HACD3: variants seen among roughly 807,000 people sequenced by gnomAD.
The protein encoded by HACD3 is very-long-chain (3R)-3-hydroxyacyl-CoA dehydratase 3.
Under a neutral mutation model 55.2 loss-of-function variants are expected in HACD3, and 30 were observed. That is an observed-to-expected ratio of 0.54 (90% CI 0.41 to 0.74). HACD3 has a LOEUF of 0.74. Ranked by LOEUF, HACD3 falls within the 30% of genes least tolerant of loss-of-function variation. The pLI is 0.00. For missense variants in HACD3, 363 were observed against 440.1 expected (o/e 0.82, Z 1.57); for synonymous variants, 141 against 151.7 (o/e 0.93, Z 0.52).
intron 1 of HACD3, among the ~76,000 whole-genome samples, chr15:65,551,333 CAG>C (rs1596210217): frequency 6.6e-6 from 1 of 152,218 alleles, no homozygotes; most frequent in African/African-American, 2.4e-5. Context: ...TTCTACAGCT[CAG>C]GGGTTGAGTC....
intron 1 of HACD3, among the ~76,000 whole-genome samples, chr15:65,535,066 G>A (rs951389023): frequency 6.6e-5 from 10 of 152,252 alleles, no homozygotes; most frequent in African/African-American, 2.4e-4. Flanking sequence ...AATCCAAATG[G>A]CAAAAAGAAA....
rs1406625452 is a variant in HACD3 at position 65,530,556 on chromosome 15, C to T, written c.-76C>T. On this transcript the variant is annotated 5_prime_UTR_variant, in exon 1 of 11. Transcript: ENST00000261875. ...GCTAGGGTTTGAGGCCTGCTTTCTG[C>T]TCGCGCCAGCAGAGCACTACCTGAG... The T allele has an allele frequency of 5.3e-5, 73 of 1,365,630 alleles. No homozygotes were observed. In the South Asian group the frequency reaches 9.1e-4, roughly 17 times the overall value. The allele number at this position is 1,365,630 out of a possible 1,614,324, so 84.6% of individuals were successfully genotyped here.
At chr15:65,573,373 T>G (rs937318238) in intron 10 of HACD3, among the ~76,000 whole-genome samples, 4 of 152,112 alleles carry the variant, frequency 2.6e-5, no homozygotes, top group Admixed American at 6.6e-5. Context: ...TTTGGGAGGC[T>G]GAGGTGGGTA....
chr15:65,549,091 G>A (rs1247793183), intron 1 of HACD3, among the ~76,000 whole-genome samples: 1 of 152,150 alleles, frequency 6.6e-6, no homozygotes. Flanking sequence ...GCTAGGTTGT[G>A]TAGATTGAGC....
At chr15:65,542,026 C>G (rs1051994450) in intron 1 of HACD3, among the ~76,000 whole-genome samples, 1 of 151,872 alleles carries the variant, frequency 6.6e-6, no homozygotes, top group African/African-American at 2.4e-5. Context: ...GTCAATAGAT[C>G]GAGACCATCC....
chr15:65,557,533 G>T (rs1190675002), intron 4 of HACD3, among the ~76,000 whole-genome samples: 1 of 151,952 alleles, frequency 6.6e-6, no homozygotes, highest in East Asian at 1.9e-4. Flanking sequence ...TTAACCATGG[G>T]TTAGCTGGCT....
chr15:65,556,256 C>A (rs146540827), intron 3 of HACD3, among the ~76,000 whole-genome samples: 2,845 of 152,188 alleles, frequency 0.019, 36 homozygotes, highest in Middle Eastern at 0.044. Flanking sequence ...TCAGTGAGAG[C>A]CCTGAGCTTG....
At chr15:65,552,402 T>A (rs2072142615) in intron 2 of HACD3, among the ~76,000 whole-genome samples, 1 of 152,156 alleles carries the variant, frequency 6.6e-6, no homozygotes, top group Non-Finnish European at 1.5e-5. Context: ...GTGGCATGAT[T>A]TCGGCTCACT....
intron 5 of HACD3, 114 bp downstream of exon 5, chr15:65,558,845 G>T (rs2072219123): frequency 6.1e-6 from 8 of 1,308,146 alleles, no homozygotes; most frequent in Non-Finnish European, 8.6e-6. Context: ...AGCTGTGTGG[G>T]TGAGTTTATG....
chr15:65,531,604 C>CTAA (rs2071900840), intron 1 of HACD3, among the ~76,000 whole-genome samples: 1 of 151,592 alleles, frequency 6.6e-6, no homozygotes, highest in African/African-American at 2.4e-5. Flanking sequence ...TCGCTCTTGT[C>CTAA]GCCCAGGCTG....
In HACD3 at chr15:65,570,087, A is replaced by T; in HGVS notation, c.661-4A>T. On this transcript the variant is annotated splice_polypyrimidine_tract_variant and splice_region_variant and intron_variant, in intron 7 of 10. Coordinates refer to ENST00000261875, the MANE Select transcript of HACD3 (RefSeq NM_016395.4). ...TTTTTCTCTCTTTTGGGTCTTTCTA[A>T]TAGCTTCTTGGAAGAAATTTTATTT... The T allele has an allele frequency of 1.9e-6, 3 of 1,582,360 alleles. No homozygotes were observed. The highest frequency in any genetic ancestry group is 2.6e-6 in the Non-Finnish European group (3 of 1,155,530).
intron 1 of HACD3, among the ~76,000 whole-genome samples, chr15:65,545,121 A>C (rs914704406): frequency 3.3e-5 from 5 of 152,186 alleles, no homozygotes; most frequent in African/African-American, 1.2e-4. Flanking sequence ...CATTGGATGA[A>C]AGAGTGTTGT....
chr15:65,551,788 T>TA (rs2072135958), intron 2 of HACD3, 70 bp downstream of exon 2: 4 of 1,547,522 alleles, frequency 2.6e-6, no homozygotes, highest in Admixed American at 1.7e-5. Flanking sequence ...TTCCCTTTTT[T>TA]AAAAAAATGT....
chr15:65,540,973 G>A lies in HACD3; in HGVS notation c.87+10255G>A, dbSNP rs1290599432. On this transcript the variant is annotated intron_variant, in intron 1 of 10. Coordinates refer to ENST00000261875, the MANE Select transcript of HACD3 (RefSeq NM_016395.4). ...AGAACCTTGAGGCCTTGATGGACTC[G>A]TTGGAGAGGAAGGGAAAAGAATTAA... is the stretch of plus-strand genomic sequence containing the variant. 3.3e-5 allele frequency among the ~76,000 whole-genome samples: 5 copies of A among 152,136 alleles called. No homozygotes were observed. The East Asian group carries it at 9.6e-4, about 29-fold the overall frequency.
rs2072407537 is a variant in HACD3, at chr15:65,576,926, A to G, written c.*547A>G. 6.5e-6 allele frequency: 1 copy of G among 153,346 alleles called. No homozygotes were observed. Among genetic ancestry groups the G allele is most frequent in the African/African-American group, 2.4e-5 (1 of 41,472 alleles). The allele number at this position is 153,346 out of a possible 1,614,324, so 9.5% of individuals were successfully genotyped here. A position where few individuals can be genotyped will look rare whatever the true frequency, so the allele number is the denominator to read the frequency against. ...AAAACATTTCTAAGAGTGGGGCTAG[A>G]GAACATACTTTACATCTGACATCCT... is the stretch of plus-strand genomic sequence containing the variant. On this transcript the variant is annotated 3_prime_UTR_variant, in exon 11 of 11. Coordinates refer to ENST00000261875, the MANE Select transcript of HACD3 (RefSeq NM_016395.4).
intron 1 of HACD3, among the ~76,000 whole-genome samples, chr15:65,543,086 A>G (rs1031606189): frequency 1.1e-4 from 17 of 151,810 alleles, no homozygotes; most frequent in East Asian, 1.9e-4. Flanking sequence ...AAAAAAAAAA[A>G]AAAGAAAGAA....
intron 1 of HACD3, chr15:65,535,877 G>T: frequency 1.8e-6 from 1 of 563,270 alleles, no homozygotes; most frequent in Non-Finnish European, 3.2e-6. Flanking sequence ...TTTTTTAGAG[G>T]TGGGGTCTCA....
rs568351961 is a variant in HACD3, at chr15:65,556,458, T to G, written c.205-281T>G. Among the ~76,000 whole-genome samples the G allele has an allele frequency of 1.0e-4, 10 of 98,180 alleles. No homozygotes were observed. In the South Asian group the frequency reaches 2.3e-3, roughly 23 times the overall value. 64.4% of individuals were successfully genotyped at this position (98,180 alleles called of 152,430 possible). On this transcript the variant is annotated intron_variant, in intron 3 of 10. Coordinates refer to ENST00000261875, the MANE Select transcript of HACD3 (RefSeq NM_016395.4). ...GGCAGGGCTTAGGCAGTAATGCAAG[T>G]GATGGAGAGCGAGTCTAAATATAGG...
intron 1 of HACD3, among the ~76,000 whole-genome samples, chr15:65,535,267 T>C (rs1470530023): frequency 6.6e-6 from 1 of 152,174 alleles, no homozygotes; most frequent in Non-Finnish European, 1.5e-5. Flanking sequence ...TAAGACAAAC[T>C]TGAAGAAGAC....
Sources: allele counts gnomAD v4.1 joint callset (sites outside exome capture counted in the v4.1 genomes callset), GRCh38; gene constraint gnomAD v4.1.1; transcripts MANE v1.5; gene names NCBI Gene and HGNC (gene_info 2026-07-23, HGNC 2026-07-21).